The following DGKG variants were observed in gnomAD, a reference collection of about 807,000 sequenced individuals.
DGKG encodes the protein diacylglycerol kinase gamma.
A neutral mutation model predicts 105.3 loss-of-function variants in DGKG; 78 were observed. The observed-to-expected ratio is 0.74, with a 90% confidence interval of 0.62 to 0.89. The LOEUF (loss-of-function observed/expected upper bound fraction) is 0.89, where lower values mean the gene tolerates loss of function less well. Among genes scored for constraint, DGKG ranks in the 40% least tolerant of loss-of-function variants. DGKG has a pLI of 0.00. For missense variants in DGKG, 958 were observed against 1,020.1 expected, an observed-to-expected ratio of 0.94 and a Z score of 0.83; for synonymous variants, 346 against 367.1, an observed-to-expected ratio of 0.94 and a Z score of 0.66.
chr3:186,305,545 G>A (rs1724194192), intron 3 of DGKG, among the ~76,000 whole-genome samples: 2 of 152,146 alleles, frequency 1.3e-5, no homozygotes, highest in Admixed American at 6.5e-5. Context: ...GGGAGATTGT[G>A]GAGTAGAGCA....
intron 21 of DGKG, among the ~76,000 whole-genome samples, chr3:186,190,292 G>T (rs1311457409): frequency 2.0e-5 from 3 of 152,008 alleles, no homozygotes; most frequent in African/African-American, 7.3e-5. Context: ...TCCCATCCCG[G>T]CTTCCCTGTT....
At chr3:186,158,792 TTC>T (rs1240631466) in intron 24 of DGKG, 5 of 920,416 alleles carry the variant, frequency 5.4e-6, no homozygotes, top group African/African-American at 5.4e-5. Flanking sequence ...TATATTTTGA[TTC>T]TGTTATTAAA....
rs34134152 is a variant in DGKG at position 186,243,895 on chromosome 3, GT to G, written c.1762-1328del. 8.9e-3 allele frequency among the ~76,000 whole-genome samples: 1,034 copies of G among 116,298 alleles called. 13 individuals are homozygous for G. Among genetic ancestry groups the G allele is most frequent in the African/African-American group, 0.026 (709 of 27,544 alleles). 76.3% of individuals were successfully genotyped at this position (116,298 alleles called of 152,430 possible). ...CTATTTCTTATATGAAAATTTCTGT[GT>G]TTTTTTTTTTTTTTTTTGAGATGGA... On this transcript the variant is annotated intron_variant, in intron 19 of 24. Transcript: ENST00000265022.
At chr3:186,355,516 T>C (rs1726902558) in intron 1 of DGKG, among the ~76,000 whole-genome samples, 1 of 138,442 alleles carries the variant, frequency 7.2e-6, no homozygotes, top group South Asian at 2.3e-4. Flanking sequence ...CACCATCACC[T>C]CCACTGCCAC....
intron 19 of DGKG, among the ~76,000 whole-genome samples, chr3:186,247,521 C>T (rs532130843): frequency 5.3e-5 from 8 of 152,338 alleles, no homozygotes; most frequent in Admixed American, 2.0e-4. Flanking sequence ...AAAACTTCCT[C>T]GGTTTACATA....
At chr3:186,200,773 A>C (rs1718417234) in intron 21 of DGKG, among the ~76,000 whole-genome samples, 2 of 152,342 alleles carry the variant, frequency 1.3e-5, no homozygotes, top group South Asian at 4.1e-4. Flanking sequence ...GGGATGATGG[A>C]GTTCTGGCGG....
At chr3:186,164,466 A>AAATAGT (rs1419523314) in intron 23 of DGKG, among the ~76,000 whole-genome samples, 5 of 152,202 alleles carry the variant, frequency 3.3e-5, no homozygotes, top group Non-Finnish European at 7.3e-5. Context: ...GGTGTATAGG[A>AAATAGT]AATAGTGTTT....
At chr3:186,321,208 T>C (rs923700916) in intron 1 of DGKG, among the ~76,000 whole-genome samples, 3 of 152,244 alleles carry the variant, frequency 2.0e-5, no homozygotes, top group Admixed American at 1.3e-4. Context: ...AATGGGCTGC[T>C]GGCCTCAATG....
At chr3:186,212,883 C>A (rs781751483) in intron 20 of DGKG, among the ~76,000 whole-genome samples, 1 of 152,178 alleles carries the variant, frequency 6.6e-6, no homozygotes, top group East Asian at 1.9e-4. Flanking sequence ...GAGGATGCCA[C>A]CTTGCATGGC....
intron 1 of DGKG, among the ~76,000 whole-genome samples, chr3:186,360,213 G>A (rs903312398): frequency 6.6e-6 from 1 of 152,058 alleles, no homozygotes; most frequent in African/African-American, 2.4e-5. Flanking sequence ...TCCCATCTCT[G>A]AGAGTCTAGA....
chr3:186,323,966 G>A (rs1725210068), intron 1 of DGKG, among the ~76,000 whole-genome samples: 1 of 151,134 alleles, frequency 6.6e-6, no homozygotes, highest in East Asian at 1.9e-4. Flanking sequence ...AAATTAGCTG[G>A]GTGTCGTGGT....
chr3:186,208,143 G>A (rs56230510), intron 21 of DGKG, among the ~76,000 whole-genome samples: 26,479 of 151,924 alleles, frequency 0.17, 2,460 homozygotes, highest in Middle Eastern at 0.28. Context: ...CCAGGCTGAA[G>A]CCATCCTCCT....
At chr3:186,275,724 G>T (rs573553832) in intron 9 of DGKG, 60 bp from the exon 10 acceptor site, 8 of 1,138,810 alleles carry the variant, frequency 7.0e-6, no homozygotes, top group African/African-American at 1.6e-5. Context: ...AGGAAGCCAG[G>T]GGCTGCCTCT....
chr3:186,216,855 C>T (rs1719316977), intron 20 of DGKG, among the ~76,000 whole-genome samples: 1 of 152,186 alleles, frequency 6.6e-6, no homozygotes, highest in South Asian at 2.1e-4. Flanking sequence ...TCTGTTTCAT[C>T]TTCTATTGTA....
At chr3:186,240,383 C>A (rs1055198455) in intron 20 of DGKG, among the ~76,000 whole-genome samples, 1 of 152,196 alleles carries the variant, frequency 6.6e-6, no homozygotes, top group Admixed American at 6.5e-5. Context: ...ATGCGTCTGT[C>A]CAAAATGCCT....
intron 24 of DGKG, among the ~76,000 whole-genome samples, chr3:186,156,290 T>C (rs1716032364): frequency 6.6e-6 from 1 of 152,134 alleles, no homozygotes; most frequent in African/African-American, 2.4e-5. Context: ...GTTTTTGGAA[T>C]ATAGTTTGAG....
chr3:186,353,130 T>C (rs111937028), intron 1 of DGKG, among the ~76,000 whole-genome samples: 6 of 152,294 alleles, frequency 3.9e-5, no homozygotes, highest in African/African-American at 1.4e-4. Context: ...ATCCTTTAAA[T>C]TTCAGTTCAA....
intron 3 of DGKG, among the ~76,000 whole-genome samples, chr3:186,298,800 G>A (rs1000249625): frequency 5.9e-5 from 9 of 152,334 alleles, no homozygotes; most frequent in East Asian, 5.8e-4. Flanking sequence ...GAAGAGAAAA[G>A]AACAGGCTCC....
At chr3:186,215,220 G>A (rs1719219590) in intron 20 of DGKG, among the ~76,000 whole-genome samples, 1 of 152,108 alleles carries the variant, frequency 6.6e-6, no homozygotes, top group Non-Finnish European at 1.5e-5. Flanking sequence ...AGACCCGCCT[G>A]GCCAACATGG....
Sources: allele counts gnomAD v4.1 joint callset (sites outside exome capture counted in the v4.1 genomes callset), GRCh38; gene constraint gnomAD v4.1.1; transcripts MANE v1.5; gene names NCBI Gene and HGNC (gene_info 2026-07-23, HGNC 2026-07-21).